XPR1: variants seen among roughly 807,000 people sequenced by gnomAD.
XPR1 encodes solute carrier family 53 member 1.
A neutral mutation model predicts 87.5 loss-of-function variants in XPR1; 28 were observed. The ratio of observed to expected loss-of-function variants is 0.32; its 90% CI spans 0.24 to 0.44. XPR1 has a LOEUF of 0.44. XPR1 is among the 20% of genes least tolerant of loss of function. XPR1 has a pLI of 1.00. For synonymous variants in XPR1, 300 were observed against 306.1 expected, an observed-to-expected ratio of 0.98 and a Z score of 0.21; for missense variants, 559 against 862.3, an observed-to-expected ratio of 0.65 and a Z score of 4.41.
intron 2 of XPR1, among the ~76,000 whole-genome samples, chr1:180,778,803 C>T (rs987844220): frequency 7.2e-5 from 11 of 152,178 alleles, no homozygotes; most frequent in African/African-American, 2.4e-4. Flanking sequence ...TTCATTTGCA[C>T]ACCTAATTTC....
At chr1:180,864,886 T>C (rs1404887380) in intron 12 of XPR1, among the ~76,000 whole-genome samples, 1 of 152,244 alleles carries the variant, frequency 6.6e-6, no homozygotes, top group Non-Finnish European at 1.5e-5. Context: ...CAGACTATAG[T>C]GGATTCTTGT....
At chr1:180,839,783 AAGT>A (rs1193774825) in intron 11 of XPR1, among the ~76,000 whole-genome samples, 2 of 152,182 alleles carry the variant, frequency 1.3e-5, no homozygotes, top group East Asian at 3.8e-4. Context: ...GTTTAGACAA[AAGT>A]AGGGGATTGG....
intron 2 of XPR1, among the ~76,000 whole-genome samples, chr1:180,784,129 C>A (rs1451303420): frequency 6.6e-6 from 1 of 151,988 alleles, no homozygotes; most frequent in African/African-American, 2.4e-5. Context: ...GAATACATTT[C>A]CTACATGTGG....
At chr1:180,782,402 A>G (rs998964225) in intron 2 of XPR1, among the ~76,000 whole-genome samples, 2 of 152,036 alleles carry the variant, frequency 1.3e-5, no homozygotes, top group East Asian at 1.9e-4. Flanking sequence ...TTGAAAGTCC[A>G]TGATCAAGAT....
At chr1:180,723,035 C>T (rs575982846) in intron 2 of XPR1, among the ~76,000 whole-genome samples, 1 of 152,216 alleles carries the variant, frequency 6.6e-6, no homozygotes, top group South Asian at 2.1e-4. Flanking sequence ...ACCGATAAAC[C>T]ACATAGCTTT....
intron 7 of XPR1, among the ~76,000 whole-genome samples, chr1:180,820,562 T>C (rs895197493): frequency 6.6e-6 from 1 of 152,214 alleles, no homozygotes; most frequent in African/African-American, 2.4e-5. Context: ...TTTTGGCTAT[T>C]GTGAATGGTA....
At chr1:180,800,645 A>G (rs1359765445) in intron 3 of XPR1, among the ~76,000 whole-genome samples, 1 of 152,224 alleles carries the variant, frequency 6.6e-6, no homozygotes, top group Non-Finnish European at 1.5e-5. Context: ...GTGTGTGGTA[A>G]TTTGTTATAC....
chr1:180,713,355 A>C (rs12062549), intron 2 of XPR1, among the ~76,000 whole-genome samples: 3,102 of 152,328 alleles, frequency 0.02, 106 homozygotes, highest in African/African-American at 0.071. Context: ...CAAATTTGCT[A>C]AACTCACTTT....
At chr1:180,864,223 A>G (rs1184199822) in intron 12 of XPR1, among the ~76,000 whole-genome samples, 1 of 152,182 alleles carries the variant, frequency 6.6e-6, no homozygotes, top group Non-Finnish European at 1.5e-5. Flanking sequence ...CCTCAGTCTG[A>G]AACACTCTCT....
Position 180,632,186 on chromosome 1 carries a change from A to AG in XPR1, c.-11dup. On this transcript the variant is annotated 5_prime_UTR_variant, in exon 1 of 15. Transcript: ENST00000367590. ...TAGCTGCTGGACCCGAGTGGGAGTG[A>AG]GGGGGAAACGGCAGGATGAAGTTCG... 1 of 1,602,458 alleles carries AG rather than the reference A, an allele frequency of 6.2e-7. No individual in the cohort carries two copies. Among genetic ancestry groups the AG allele is most frequent in the Non-Finnish European group, 8.5e-7 (1 of 1,174,616 alleles).
At chr1:180,734,770 G>C (rs747180629) in intron 2 of XPR1, among the ~76,000 whole-genome samples, 5 of 152,170 alleles carry the variant, frequency 3.3e-5, no homozygotes, top group Non-Finnish European at 7.3e-5. Flanking sequence ...CTACCATGAA[G>C]ATTGGTATCT....
At position 180,837,630 on chromosome 1, in the gene XPR1, A is replaced by G. The variant is rs188469844; in HGVS notation, c.1501+914A>G. On this transcript the variant is annotated intron_variant, in intron 11 of 14. Transcript: ENST00000367590. ...CAGATGATATTTATAATATAATTCC[A>G]CTTTTTGCAGTAGATTCTGTGGTTG... is the stretch of plus-strand genomic sequence containing the variant. Among the ~76,000 whole-genome samples the G allele has an allele frequency of 3.0e-3, 452 of 152,242 alleles. 1 individual carries two copies. The highest frequency in any genetic ancestry group is 4.9e-3 in the Admixed American group (75 of 15,294).
intron 3 of XPR1, among the ~76,000 whole-genome samples, chr1:180,796,732 T>C (rs1157671703): frequency 6.6e-6 from 1 of 152,158 alleles, no homozygotes; most frequent in East Asian, 1.9e-4. Context: ...AGACTGAAGA[T>C]ATTTAAACAA....
At chr1:180,659,390 TC>T (rs1655678719) in intron 1 of XPR1, among the ~76,000 whole-genome samples, 1 of 33,170 alleles carries the variant, frequency 3.0e-5, no homozygotes, top group African/African-American at 2.5e-4. Flanking sequence ...CGTCCTTCCT[TC>T]CTTCCTTCCT....
intron 7 of XPR1, among the ~76,000 whole-genome samples, chr1:180,813,419 T>G (rs947391626): frequency 2.0e-5 from 3 of 152,226 alleles, no homozygotes; most frequent in African/African-American, 7.2e-5. Context: ...CCCTTTAGCC[T>G]ACGTTAGTTT....
chr1:180,720,503 T>C (rs1658146074), intron 2 of XPR1, among the ~76,000 whole-genome samples: 1 of 152,210 alleles, frequency 6.6e-6, no homozygotes, highest in Admixed American at 6.5e-5. Flanking sequence ...AATTGATGAA[T>C]TAGAGTAATT....
At chr1:180,777,381 G>A (rs550789933) in intron 2 of XPR1, among the ~76,000 whole-genome samples, 3 of 152,300 alleles carry the variant, frequency 2.0e-5, no homozygotes, top group South Asian at 4.2e-4. Flanking sequence ...AAGAAGGCTA[G>A]TCCTTTATTC....
At chr1:180,777,018 G>A (rs1648749480) in intron 2 of XPR1, among the ~76,000 whole-genome samples, 1 of 152,134 alleles carries the variant, frequency 6.6e-6, no homozygotes, top group Non-Finnish European at 1.5e-5. Context: ...AGCAGTTTTA[G>A]TTAGAAATTT....
At chr1:180,778,745 A>T (rs1303619048) in intron 2 of XPR1, among the ~76,000 whole-genome samples, 1 of 152,194 alleles carries the variant, frequency 6.6e-6, no homozygotes, top group East Asian at 1.9e-4. Flanking sequence ...CGTGCTTTAT[A>T]CTCATAATTC....
Sources: allele counts gnomAD v4.1 joint callset (sites outside exome capture counted in the v4.1 genomes callset), GRCh38; gene constraint gnomAD v4.1.1; transcripts MANE v1.5; gene names NCBI Gene and HGNC (gene_info 2026-07-23, HGNC 2026-07-21).